The following CARMIL1 variants were observed in gnomAD, a reference collection of about 807,000 sequenced individuals.
CARMIL1 encodes F-actin-uncapping protein LRRC16A.
CARMIL1 carries 90 observed loss-of-function variants against 177.1 expected under a neutral mutation model. The ratio of observed to expected loss-of-function variants is 0.51; its 90% CI spans 0.43 to 0.61. The LOEUF (loss-of-function observed/expected upper bound fraction) is 0.61. CARMIL1 is among the 20% of genes least tolerant of loss of function. CARMIL1 has a pLI of 0.00. For missense variants in CARMIL1, 1,380 were observed against 1,667.0 expected (o/e 0.83, Z 3.00); for synonymous variants, 577 against 606.2 (o/e 0.95, Z 0.71).
At chr6:25,572,830 A>G (rs1369387817) in intron 29 of CARMIL1, among the ~76,000 whole-genome samples, 2 of 152,196 alleles carry the variant, frequency 1.3e-5, no homozygotes, top group Non-Finnish European at 2.9e-5. Context: ...TGAAAAATAA[A>G]TGTCTCTAAA....
intron 29 of CARMIL1, among the ~76,000 whole-genome samples, chr6:25,572,468 A>G (rs1223354438): frequency 6.6e-6 from 1 of 152,130 alleles, no homozygotes; most frequent in African/African-American, 2.4e-5. Flanking sequence ...TAGGGGGCCA[A>G]GGCAGGAGGA....
chr6:25,334,255 G>C (rs892808358), intron 2 of CARMIL1, among the ~76,000 whole-genome samples: 6 of 152,240 alleles, frequency 3.9e-5, no homozygotes, highest in African/African-American at 1.4e-4. Flanking sequence ...TGGACACACA[G>C]AGTACCTTGG....
chr6:25,588,421 C>T (rs1813978894), intron 31 of CARMIL1, among the ~76,000 whole-genome samples: 1 of 152,082 alleles, frequency 6.6e-6, no homozygotes, highest in African/African-American at 2.4e-5. Context: ...CCTTTTTGGT[C>T]CCTCAAGTCA....
chr6:25,449,858 G>C (rs369869736), intron 5 of CARMIL1, 40 bp from the exon 6 acceptor site: 39 of 1,240,536 alleles, frequency 3.1e-5, no homozygotes, highest in Non-Finnish European at 4.1e-5. Context: ...CAGTCAAAAA[G>C]TGTGGTTTGT....
At chr6:25,319,004 C>T (rs970988997) in intron 2 of CARMIL1, among the ~76,000 whole-genome samples, 1 of 152,162 alleles carries the variant, frequency 6.6e-6, no homozygotes, top group Admixed American at 6.5e-5. Context: ...TCATTGACTT[C>T]CGTGAGCTCT....
chr6:25,285,531 C>G (rs1258418783), intron 2 of CARMIL1, among the ~76,000 whole-genome samples: 1 of 152,122 alleles, frequency 6.6e-6, no homozygotes, highest in Non-Finnish European at 1.5e-5. Context: ...GTGTCAGTGA[C>G]AGAGTTGTAC....
chr6:25,373,208 T>C (rs1790599690), intron 2 of CARMIL1, among the ~76,000 whole-genome samples: 2 of 152,082 alleles, frequency 1.3e-5, no homozygotes, highest in South Asian at 4.1e-4. Flanking sequence ...TCTGTAGTTT[T>C]CTTTGTCTTT....
chr6:25,284,411 A>G (rs1181415707), intron 1 of CARMIL1, among the ~76,000 whole-genome samples: 1 of 152,238 alleles, frequency 6.6e-6, no homozygotes, highest in Non-Finnish European at 1.5e-5. Flanking sequence ...TGTTAAAACA[A>G]GTAAAAAAAG....
intron 8 of CARMIL1, among the ~76,000 whole-genome samples, chr6:25,457,454 C>G (rs999965763): frequency 3.9e-5 from 6 of 152,038 alleles, no homozygotes; most frequent in Non-Finnish European, 5.9e-5. Context: ...GTGAGTGGTT[C>G]CGCTAATAAT....
At chr6:25,290,794 C>T (rs1293151473) in intron 2 of CARMIL1, among the ~76,000 whole-genome samples, 5 of 152,180 alleles carry the variant, frequency 3.3e-5, no homozygotes, top group African/African-American at 4.8e-5. Context: ...TCCACCCCCC[C>T]GGCCCCTGAA....
At chr6:25,592,261 A>G (rs9348687) in intron 31 of CARMIL1, among the ~76,000 whole-genome samples, 80,810 of 152,002 alleles carry the variant, frequency 0.53, 21,817 homozygotes, top group East Asian at 0.63. Context: ...AAGGGTAGAC[A>G]TAAGGGTGAC....
chr6:25,345,236 A>G (rs1787386431), intron 2 of CARMIL1, among the ~76,000 whole-genome samples: 1 of 152,166 alleles, frequency 6.6e-6, no homozygotes, highest in South Asian at 2.1e-4. Flanking sequence ...TACATTCTTT[A>G]CAGGACTGCT....
Position 25,539,993 on chromosome 6 carries a change from C to T in CARMIL1, c.2243C>T (p.Ala748Val). 6.2e-7 allele frequency: 1 copy of T among 1,605,832 alleles called. No homozygotes were observed. ...YHVGGASWAG[A>V]SGLLSSPIQE... is the part of the protein sequence containing the mutation. ...GTTGGTGGTGCATCTTGGGCGGGAGCCAGTGGCTTACTATCCAGTCCAATT... is the reference window on the plus strand; with the variant it reads ...GTTGGTGGTGCATCTTGGGCGGGAGTCAGTGGCTTACTATCCAGTCCAATT... The change falls in exon 26 of 37, where the codon GCC (alanine) becomes GTC (valine). Residue 748 changes from alanine to valine, a missense_variant. Ala to Val is a moderately conservative substitution (Grantham distance 64). Transcript: ENST00000329474.
At chr6:25,440,133 T>C (rs975687943) in intron 5 of CARMIL1, among the ~76,000 whole-genome samples, 2 of 152,198 alleles carry the variant, frequency 1.3e-5, no homozygotes, top group Admixed American at 6.5e-5. Context: ...CAGTACCTTG[T>C]TGGGTGATGT....
chr6:25,556,964 C>A, intron 29 of CARMIL1, 114 bp downstream of exon 29: 1 of 1,046,036 alleles, frequency 9.6e-7, no homozygotes, highest in Non-Finnish European at 1.4e-6. Context: ...ACACTGTCCC[C>A]ACCCTCAGAC....
At chr6:25,289,603 A>G (rs1283265888) in intron 2 of CARMIL1, among the ~76,000 whole-genome samples, 1 of 152,194 alleles carries the variant, frequency 6.6e-6, no homozygotes, top group Non-Finnish European at 1.5e-5. Context: ...CATACCTAGC[A>G]TTCCCCACTT....
At chr6:25,576,692 TAC>T (rs1277573415) in intron 29 of CARMIL1, among the ~76,000 whole-genome samples, 1 of 152,216 alleles carries the variant, frequency 6.6e-6, no homozygotes, top group Non-Finnish European at 1.5e-5. Flanking sequence ...TATCACTTTG[TAC>T]ACACCTAGCA....
chr6:25,513,634 T>C (rs1805670536), intron 20 of CARMIL1, among the ~76,000 whole-genome samples: 2 of 152,168 alleles, frequency 1.3e-5, no homozygotes, highest in Non-Finnish European at 2.9e-5. Context: ...AGCCCTTTGG[T>C]AGATGAACCT....
At chr6:25,494,339 A>G (rs1170071236) in intron 15 of CARMIL1, among the ~76,000 whole-genome samples, 2 of 152,098 alleles carry the variant, frequency 1.3e-5, no homozygotes, top group African/African-American at 4.8e-5. Flanking sequence ...GACTTATTCA[A>G]TCCTTCCATC....
Sources: allele counts gnomAD v4.1 joint callset (sites outside exome capture counted in the v4.1 genomes callset), GRCh38; gene constraint gnomAD v4.1.1; transcripts MANE v1.5; gene names NCBI Gene and HGNC (gene_info 2026-07-23, HGNC 2026-07-21).